Variants in FAT3 observed in about 807,000 individuals in gnomAD.
The protein encoded by FAT3 is protocadherin Fat 3.
FAT3 carries 95 observed loss-of-function variants against 310.2 expected under a neutral mutation model. The observed-to-expected ratio is 0.31, with a 90% CI of 0.26 to 0.36. The LOEUF (loss-of-function observed/expected upper bound fraction) is 0.36, where lower values mean the gene tolerates loss of function less well. Ranked by LOEUF, FAT3 falls within the 10% of genes least tolerant of loss-of-function variation. FAT3 has a pLI of 1.00. For missense variants in FAT3, 5,408 were observed against 5,715.6 expected (o/e 0.95, Z 1.74); for synonymous variants, 2,314 against 2,192.9 (o/e 1.06, Z -1.54).
chr11:92,885,623 G>A (rs898985520), intron 24 of FAT3, among the ~76,000 whole-genome samples: 2 of 152,100 alleles, frequency 1.3e-5, no homozygotes, highest in South Asian at 2.1e-4. Context: ...TGTTGAGTTA[G>A]ACTCCACTAT....
chr11:92,864,578 G>A (rs1369053318), intron 21 of FAT3, among the ~76,000 whole-genome samples: 3 of 152,214 alleles, frequency 2.0e-5, no homozygotes, highest in Non-Finnish European at 4.4e-5. Flanking sequence ...AGCACTTTGA[G>A]AGGCCGAGGC....
In FAT3 at chr11:92,831,450, CT is replaced by C. The variant is rs958358714; in HGVS notation, c.9482-164del. 2.6e-5 allele frequency among the ~76,000 whole-genome samples: 4 copies of C among 152,018 alleles called. No individual in the cohort carries two copies. The East Asian group carries it at 5.8e-4, about 22-fold the overall frequency. ...TTTCTTTGCCTTTTAATTCCATTGT[CT>C]TTTTTTTCCCATAAACTGAAATTTA... On this transcript the variant is annotated intron_variant, in intron 13 of 27. Coordinates refer to ENST00000525166, the MANE Select transcript of FAT3 (RefSeq NM_001367949.2).
Position 92,284,341 on chromosome 11 carries a change from A to G in FAT3, c.-18+59167A>G, listed in dbSNP as rs115735604. 1.9e-3 allele frequency among the ~76,000 whole-genome samples: 286 copies of G among 152,036 alleles called. 3 individuals are homozygous for G. Among genetic ancestry groups the G allele is most frequent in the African/African-American group, 6.1e-3 (253 of 41,480 alleles). ...GTGGGGTTCACAATGGGAGAAAAGT[A>G]AATTATGTCAGTAAAAGGCTTGGGA... is the stretch of plus-strand genomic sequence containing the variant. On this transcript the variant is annotated intron_variant, in intron 1 of 27. Transcript: ENST00000525166.
At chr11:92,300,097 G>A (rs1235049253) in intron 1 of FAT3, among the ~76,000 whole-genome samples, 1 of 151,872 alleles carries the variant, frequency 6.6e-6, no homozygotes, top group Non-Finnish European at 1.5e-5. Context: ...CCTAACAATT[G>A]GGGGAATCAT....
intron 2 of FAT3, among the ~76,000 whole-genome samples, chr11:92,447,848 C>A (rs1951257687): frequency 6.6e-6 from 1 of 151,820 alleles, no homozygotes; most frequent in Non-Finnish European, 1.5e-5. Context: ...TCAGGCCTGT[C>A]CAAAGCAGCT....
At chr11:92,247,873 G>A (rs923985161) in intron 1 of FAT3, among the ~76,000 whole-genome samples, 8 of 151,928 alleles carry the variant, frequency 5.3e-5, no homozygotes, top group South Asian at 2.1e-4. Context: ...GTAGGCTGAC[G>A]CTAGAGAATC....
intron 3 of FAT3, among the ~76,000 whole-genome samples, chr11:92,562,689 C>T (rs570328459): frequency 3.3e-5 from 5 of 152,212 alleles, no homozygotes; most frequent in Admixed American, 1.3e-4. Context: ...AGGGCAGGGG[C>T]ATAAGGGACT....
chr11:92,552,687 G>T (rs1253065561), intron 3 of FAT3, among the ~76,000 whole-genome samples: 5 of 152,020 alleles, frequency 3.3e-5, no homozygotes, highest in African/African-American at 1.2e-4. Flanking sequence ...CTCAGGATTT[G>T]TTGACATTTT....
At chr11:92,458,201 A>G (rs1201744955) in intron 2 of FAT3, among the ~76,000 whole-genome samples, 1 of 152,166 alleles carries the variant, frequency 6.6e-6, no homozygotes, top group African/African-American at 2.4e-5. Context: ...ATTTTATCTA[A>G]TGGAATTTTA....
At chr11:92,357,191 A>G (rs1051686255) in intron 2 of FAT3, among the ~76,000 whole-genome samples, 1 of 152,196 alleles carries the variant, frequency 6.6e-6, no homozygotes, top group African/African-American at 2.4e-5. Flanking sequence ...GAGTACTTAC[A>G]ATGTGCCAGA....
At chr11:92,420,371 C>G (rs1463271140) in intron 2 of FAT3, among the ~76,000 whole-genome samples, 1 of 152,132 alleles carries the variant, frequency 6.6e-6, no homozygotes, top group Non-Finnish European at 1.5e-5. Context: ...ATAGATTGCT[C>G]CATGAGGATG....
chr11:92,415,848 G>GTTTTTTTTTTTTTT (rs1950396728), intron 2 of FAT3, among the ~76,000 whole-genome samples: 3 of 78,406 alleles, frequency 3.8e-5, no homozygotes, highest in Admixed American at 1.2e-4. Context: ...AAGCATTTTT[G>GTTTTTTTTTTTTTT]CTTTTTTTTT....
At chr11:92,876,501 C>A (rs1173941563) in intron 22 of FAT3, among the ~76,000 whole-genome samples, 2 of 152,216 alleles carry the variant, frequency 1.3e-5, no homozygotes, top group African/African-American at 4.8e-5. Flanking sequence ...CTGGCATCAA[C>A]AATGGCCTTT....
intron 1 of FAT3, among the ~76,000 whole-genome samples, chr11:92,276,392 C>G (rs1946272210): frequency 6.6e-6 from 1 of 151,986 alleles, no homozygotes; most frequent in African/African-American, 2.4e-5. Context: ...ACTTGCTTCC[C>G]CCATCTTCAT....
At chr11:92,689,464 G>A (rs1943734274) in intron 3 of FAT3, among the ~76,000 whole-genome samples, 1 of 152,150 alleles carries the variant, frequency 6.6e-6, no homozygotes. Flanking sequence ...GTATTGGTTC[G>A]CCATCTGTGG....
intron 6 of FAT3, among the ~76,000 whole-genome samples, chr11:92,772,619 A>G (rs1946487896): frequency 6.6e-6 from 1 of 152,128 alleles, no homozygotes; most frequent in African/African-American, 2.4e-5. Flanking sequence ...TTTTTAGATG[A>G]AATTTTTTAA....
chr11:92,606,499 C>T (rs896324318), intron 3 of FAT3, among the ~76,000 whole-genome samples: 1 of 152,176 alleles, frequency 6.6e-6, no homozygotes, highest in East Asian at 1.9e-4. Context: ...TGCTTCTGCT[C>T]TCCCACCTCG....
chr11:92,781,492 G>A (rs1353806914), intron 7 of FAT3, among the ~76,000 whole-genome samples: 1 of 152,098 alleles, frequency 6.6e-6, no homozygotes, highest in Admixed American at 6.6e-5. Context: ...GGTATACATA[G>A]GTAAAGAGAT....
At chr11:92,343,968 T>C (rs1948342319) in intron 1 of FAT3, among the ~76,000 whole-genome samples, 1 of 152,286 alleles carries the variant, frequency 6.6e-6, no homozygotes, top group Non-Finnish European at 1.5e-5. Context: ...CTTTGCAGTA[T>C]AGGTGTGGGG....
Sources: allele counts gnomAD v4.1 joint callset (sites outside exome capture counted in the v4.1 genomes callset), GRCh38; gene constraint gnomAD v4.1.1; transcripts MANE v1.5; gene names NCBI Gene and HGNC (gene_info 2026-07-23, HGNC 2026-07-21).